Variants in UBXN4 observed in about 807,000 individuals in gnomAD.
UBXN4 encodes the protein UBX domain-containing protein 4.
In UBXN4, 35 loss-of-function variants were observed where a neutral mutation model predicts 66.2. The observed-to-expected ratio is 0.53, with a 90% CI of 0.40 to 0.70. UBXN4 has a LOEUF of 0.70. UBXN4 is among the 30% of genes least tolerant of loss of function. The pLI, the probability that UBXN4 is intolerant of heterozygous loss-of-function variation, is 0.00. For missense variants in UBXN4, 533 were observed against 599.8 expected (o/e 0.89, Z 1.16); for synonymous variants, 203 against 204.5 (o/e 0.99, Z 0.06).
At chr2:135,776,401 A>AT (rs756016527) in intron 10 of UBXN4, 50 bp downstream of exon 10, 1 of 1,507,280 alleles carries the variant, frequency 6.6e-7, no homozygotes, top group Non-Finnish European at 9.1e-7. Context: ...AGGTTACTAA[A>AT]TTATAGGAAG....
At chr2:135,762,219 A>T (rs988051645) in intron 6 of UBXN4, among the ~76,000 whole-genome samples, 1 of 152,342 alleles carries the variant, frequency 6.6e-6, no homozygotes, top group East Asian at 1.9e-4. Flanking sequence ...AAGGATAATA[A>T]GCTCCAGATG....
intron 6 of UBXN4, among the ~76,000 whole-genome samples, chr2:135,763,314 C>G (rs1002891597): frequency 3.3e-5 from 5 of 152,124 alleles, no homozygotes; most frequent in Non-Finnish European, 4.4e-5. Context: ...CCCCTGCCAT[C>G]TTTTGCAGGG....
chr2:135,783,023 T>C lies in UBXN4; in HGVS notation c.*136T>C. 1.1e-6 allele frequency: 1 copy of C among 935,556 alleles called. No individual in the cohort carries two copies. The allele number at this position is 935,556 out of a possible 1,614,324, so 58.0% of individuals were successfully genotyped here. A position where few individuals can be genotyped will look rare whatever the true frequency, so the allele number is the denominator to read the frequency against. ...TGTCTCTTTATTCCTGCTTAGTGGG[T>C]GTGGGTTGAAGGTGTTTAACTCAGA... On this transcript the variant is annotated 3_prime_UTR_variant, in exon 13 of 13. Coordinates refer to ENST00000272638, the MANE Select transcript of UBXN4 (RefSeq NM_014607.4).
intron 3 of UBXN4, 81 bp downstream of exon 3, chr2:135,753,648 T>C (rs1011871866): frequency 5.9e-6 from 7 of 1,181,546 alleles, no homozygotes; most frequent in Admixed American, 3.3e-5. Context: ...TTAGAAATTA[T>C]TCATTTTTAT....
chr2:135,767,361 G>A (rs1484581587), intron 6 of UBXN4, among the ~76,000 whole-genome samples: 1 of 151,288 alleles, frequency 6.6e-6, no homozygotes, highest in African/African-American at 2.4e-5. Flanking sequence ...ACCTTGTCTC[G>A]GAAAAAAAAA....
chr2:135,753,243 C>T (rs375477382), intron 2 of UBXN4, among the ~76,000 whole-genome samples: 8 of 152,210 alleles, frequency 5.3e-5, no homozygotes, highest in Admixed American at 2.0e-4. Context: ...AGGCTGGTCT[C>T]GAACTCTTGA....
chr2:135,774,969 C>T (rs1253272357), intron 9 of UBXN4, among the ~76,000 whole-genome samples: 1 of 152,006 alleles, frequency 6.6e-6, no homozygotes, highest in African/African-American at 2.4e-5. Flanking sequence ...TAAAGACACC[C>T]AGTTCAAATA....
Position 135,747,821 on chromosome 2 carries a change from G to A in UBXN4, c.83-446G>A, listed in dbSNP as rs534953128. On this transcript the variant is annotated intron_variant, in intron 1 of 12. Transcript: ENST00000272638. ...GGCTAAGTAGAGATGGGGTTTTACC[G>A]TGTTGGCCAGTCTGGTCTCGAATTC... 223 of 372,286 alleles carry A rather than the reference G, an allele frequency of 6.0e-4. 1 individual carries two copies. The highest frequency in any genetic ancestry group is 4.3e-3 in the African/African-American group (205 of 47,364). The allele number at this position is 372,286 out of a possible 1,614,324, so 23.1% of individuals were successfully genotyped here. A position where few individuals can be genotyped will look rare whatever the true frequency, so the allele number is the denominator to read the frequency against.
intron 2 of UBXN4, among the ~76,000 whole-genome samples, chr2:135,751,029 T>TC (rs1385176676): frequency 7.1e-6 from 1 of 140,634 alleles, no homozygotes; most frequent in Non-Finnish European, 1.6e-5. Context: ...CTAATTTTTT[T>TC]TTTTTTTTTG....
intron 5 of UBXN4, among the ~76,000 whole-genome samples, chr2:135,756,668 T>G (rs892491383): frequency 3.3e-5 from 5 of 152,216 alleles, no homozygotes; most frequent in African/African-American, 1.2e-4. Context: ...CCTGGATATA[T>G]ATCATTTCCA....
intron 11 of UBXN4, among the ~76,000 whole-genome samples, chr2:135,779,555 G>C (rs888324587): frequency 5.3e-5 from 8 of 152,130 alleles, no homozygotes; most frequent in Non-Finnish European, 1.2e-4. Context: ...TGGGTCTTCT[G>C]TGTCCTGGTT....
chr2:135,764,119 G>A (rs989688286), intron 6 of UBXN4, among the ~76,000 whole-genome samples: 7 of 136,352 alleles, frequency 5.1e-5, no homozygotes, highest in Admixed American at 1.5e-4. Context: ...GTGCTACTCC[G>A]TCTCAAAATA....
intron 11 of UBXN4, 129 bp from the exon 12 acceptor site, chr2:135,780,054 T>G (rs2077440336): frequency 1.3e-6 from 1 of 769,120 alleles, no homozygotes; most frequent in Admixed American, 2.9e-5. Context: ...AAAGATATCA[T>G]TTTACCCTCT....
chr2:135,764,425 A>G (rs1452129483), intron 6 of UBXN4, among the ~76,000 whole-genome samples: 1 of 152,208 alleles, frequency 6.6e-6, no homozygotes, highest in Non-Finnish European at 1.5e-5. Flanking sequence ...TCAAGTAAAC[A>G]TAATTAAAAA....
Position 135,769,757 on chromosome 2 carries a change from T to G in UBXN4, c.603-12T>G. 1 of 1,561,488 alleles carries G rather than the reference T, an allele frequency of 6.4e-7. No individual in the cohort carries two copies. The highest frequency in any genetic ancestry group is 1.2e-5 in the South Asian group (1 of 83,272). On this transcript the variant is annotated splice_polypyrimidine_tract_variant and intron_variant, in intron 6 of 12. Coordinates refer to ENST00000272638, the MANE Select transcript of UBXN4 (RefSeq NM_014607.4). Reference sequence around the variant, plus strand: ...GTCTCAATTAGTGGTGGTTTTTTTTTTTTTAATACAGACTAACAAAAAAAC... The same window carrying G: ...GTCTCAATTAGTGGTGGTTTTTTTTGTTTTAATACAGACTAACAAAAAAAC...
In UBXN4 at chr2:135,776,858, C is replaced by T. The variant is rs961143139; in HGVS notation, c.1053+507C>T. On this transcript the variant is annotated intron_variant, in intron 10 of 12. Coordinates refer to ENST00000272638, the MANE Select transcript of UBXN4 (RefSeq NM_014607.4). The stretch of plus-strand genomic sequence containing the variant: ...TTCCTCCCACCTCAGCCTCGCAGTG[C>T]GTTGGGATTACAGGCGTGAGCCACC... Among the ~76,000 whole-genome samples, 6 of 152,244 alleles carry T rather than the reference C, an allele frequency of 3.9e-5. No homozygotes were observed. The East Asian group carries it at 7.7e-4, about 20-fold the overall frequency.
chr2:135,750,441 G>A (rs528512352), intron 2 of UBXN4, among the ~76,000 whole-genome samples: 1 of 152,190 alleles, frequency 6.6e-6, no homozygotes, highest in East Asian at 1.9e-4. Context: ...GGGAGGCAGA[G>A]CTTGCAGTGA....
chr2:135,771,333 C>T (rs1438824686), intron 8 of UBXN4, among the ~76,000 whole-genome samples: 5 of 151,924 alleles, frequency 3.3e-5, no homozygotes, highest in Non-Finnish European at 7.4e-5. Flanking sequence ...AAAAATTAAT[C>T]GGGTGTGGTG....
At chr2:135,771,026 C>CTAGTACTAAGTACCTACTAG in intron 8 of UBXN4, among the ~76,000 whole-genome samples, 1 of 151,940 alleles carries the variant, frequency 6.6e-6, no homozygotes, top group South Asian at 2.1e-4. Context: ...GTACCTACTA[C>CTAGTACTAAGTACCTACTAG]TAGTACTAAG....
Sources: gnomAD v4.1 joint callset for allele counts (sites outside exome capture counted in the v4.1 genomes callset) on GRCh38, gnomAD v4.1.1 for gene constraint, MANE v1.5 for transcripts, NCBI Gene and HGNC (gene_info 2026-07-23, HGNC 2026-07-21) for gene names.